JAK2: variants seen among roughly 807,000 people sequenced by gnomAD.
JAK2 encodes the protein Janus kinase 2, also known as tyrosine-protein kinase JAK2.
Under a neutral mutation model 139.3 loss-of-function variants are expected in JAK2, and 86 were observed. That is an observed-to-expected ratio of 0.62 (90% confidence interval 0.52 to 0.74). The LOEUF (loss-of-function observed/expected upper bound fraction) is 0.74. Ranked by LOEUF, JAK2 falls within the 30% of genes least tolerant of loss-of-function variation. The probability of loss-of-function intolerance (pLI) is 0.00; values close to 1 mark genes in which losing one functional copy is unlikely to be tolerated. For synonymous variants in JAK2, 490 were observed against 437.7 expected (o/e 1.12, Z -1.49); for missense variants, 1,421 against 1,360.3 (o/e 1.04, Z -0.70).
chr9:5,102,139 T>G (rs1438362474), intron 22 of JAK2, among the ~76,000 whole-genome samples: 1 of 152,054 alleles, frequency 6.6e-6, no homozygotes, highest in Non-Finnish European at 1.5e-5. Context: ...GCTAAAAACC[T>G]TGAAAAAAGA....
At chr9:5,100,691 A>G (rs1264449978) in intron 22 of JAK2, 3 of 151,954 alleles carry the variant, frequency 2.0e-5, no homozygotes, top group Non-Finnish European at 4.4e-5. Flanking sequence ...ACAGCCTGAT[A>G]GAAGGAAATC....
chr9:5,001,192 A>G (rs1347290795), intron 2 of JAK2, among the ~76,000 whole-genome samples: 2 of 152,074 alleles, frequency 1.3e-5, no homozygotes, highest in Non-Finnish European at 2.9e-5. Context: ...CTTTTATTTC[A>G]TTTTCTTACC....
intron 4 of JAK2, among the ~76,000 whole-genome samples, chr9:5,031,711 C>T (rs1823159849): frequency 1.3e-5 from 2 of 152,162 alleles, no homozygotes; most frequent in Non-Finnish European, 2.9e-5. Context: ...GGAATGACTG[C>T]AATTGTCAAC....
intron 22 of JAK2, chr9:5,114,952 CAAACAT>C (rs1223184534): frequency 5.6e-6 from 1 of 178,304 alleles, no homozygotes; most frequent in African/African-American, 2.4e-5. Flanking sequence ...AACAAACAAA[CAAACAT>C]AAAAACCCTA....
chr9:5,022,248 C>A lies in JAK2; in HGVS notation c.226+35C>A, dbSNP rs1220884619. ...AAAAAACAGCATTTTCCTTTTTATG[C>A]ATGGATTGTTTTAATTATGCTATGC... On this transcript the variant is annotated intron_variant, in intron 3 of 24. Transcript: ENST00000381652. The A allele has an allele frequency of 2.8e-6, 4 of 1,447,424 alleles. No homozygotes were observed. The African/African-American group carries it at 4.2e-5, about 15-fold the overall frequency. The allele number at this position is 1,447,424 out of a possible 1,614,324, so 89.7% of individuals were successfully genotyped here.
intron 5 of JAK2, among the ~76,000 whole-genome samples, chr9:5,050,189 T>G (rs1372920608): frequency 1.3e-5 from 2 of 152,248 alleles, no homozygotes; most frequent in African/African-American, 4.8e-5. Context: ...ATATGTACTC[T>G]GTAATTGGGA....
intron 4 of JAK2, among the ~76,000 whole-genome samples, chr9:5,040,434 A>G (rs1816397164): frequency 6.6e-6 from 1 of 152,206 alleles, no homozygotes; most frequent in Non-Finnish European, 1.5e-5. Context: ...TCAAGTGACA[A>G]AAGAAAAATA....
intron 8 of JAK2, 69 bp from the exon 9 acceptor site, chr9:5,064,814 A>C (rs1051065580): frequency 8.1e-7 from 1 of 1,234,418 alleles, no homozygotes; most frequent in Admixed American, 2.6e-5. Context: ...GGAATGAAGA[A>C]AATTTTCAAT....
At chr9:5,059,122 G>C (rs1817979583) in intron 8 of JAK2, among the ~76,000 whole-genome samples, 1 of 152,068 alleles carries the variant, frequency 6.6e-6, no homozygotes, top group African/African-American at 2.4e-5. Context: ...TACGTGTATA[G>C]CTCAATGAAT....
At chr9:5,041,201 C>A in intron 4 of JAK2, 1 of 1,451,448 alleles carries the variant, frequency 6.9e-7, no homozygotes, top group Non-Finnish European at 9.5e-7. Flanking sequence ...GGACGTGAAG[C>A]CCGAGAACTT....
At chr9:4,998,283 G>T (rs1209360512) in intron 2 of JAK2, among the ~76,000 whole-genome samples, 1 of 152,096 alleles carries the variant, frequency 6.6e-6, no homozygotes, top group Non-Finnish European at 1.5e-5. Context: ...TTGAGATGGA[G>T]TCTTGCTCTG....
intron 4 of JAK2, chr9:5,041,007 C>A (rs1054562825): frequency 3.1e-6 from 2 of 655,262 alleles, no homozygotes; most frequent in Non-Finnish European, 5.6e-6. Flanking sequence ...AGTTCCGGAC[C>A]CCGCAGCTGC....
At position 5,123,064 on chromosome 9, in the gene JAK2, T is replaced by A. The variant is rs1440642433; in HGVS notation, c.3120T>A (p.Phe1040Leu). 6.8e-6 allele frequency: 11 copies of A among 1,611,922 alleles called. No homozygotes were observed. ...CTGTGGCCTCAGATGTTTGGAGCTT[T>A]GGAGTGGTTCTGTATGAACTTTTCA... Reference protein sequence around the residue: ...KFSVASDVWSFGVVLYELFTY... With the variant: ...KFSVASDVWSLGVVLYELFTY... Residue 1040 changes from phenylalanine (F) to leucine (L), a missense_variant, in exon 23 of 25, where the codon TTT (phenylalanine) becomes TTA (leucine). Coordinates refer to ENST00000381652, the MANE Select transcript of JAK2 (RefSeq NM_004972.4).
intron 3 of JAK2, among the ~76,000 whole-genome samples, chr9:5,028,978 TTTCA>T (rs1442270799): frequency 6.6e-6 from 1 of 152,236 alleles, no homozygotes; most frequent in Non-Finnish European, 1.5e-5. Context: ...GCATTTTTAA[TTTCA>T]TTCAAAAACT....
intron 2 of JAK2, among the ~76,000 whole-genome samples, chr9:4,996,451 AAAAT>A (rs771867813): frequency 6.6e-6 from 1 of 152,104 alleles, no homozygotes; most frequent in African/African-American, 2.4e-5. Flanking sequence ...TCTGTCTCAA[AAAAT>A]AAATAAATAA....
chr9:5,112,569 G>A (rs376054606), intron 22 of JAK2: 2 of 656,934 alleles, frequency 3.0e-6, no homozygotes, highest in South Asian at 2.2e-5. Context: ...CCAGGGAGCG[G>A]CTGCGGGTCC....
intron 2 of JAK2, among the ~76,000 whole-genome samples, chr9:5,021,105 T>C (rs1384915796): frequency 6.6e-6 from 1 of 152,130 alleles, no homozygotes; most frequent in Non-Finnish European, 1.5e-5. Context: ...GTCTCTCACT[T>C]ACTCTTTCCC....
chr9:5,028,239 C>G (rs1211009447), intron 3 of JAK2, among the ~76,000 whole-genome samples: 1 of 152,190 alleles, frequency 6.6e-6, no homozygotes, highest in Non-Finnish European at 1.5e-5. Flanking sequence ...CAATGTACAT[C>G]TTCATCAGAG....
upstream of JAK2, chr9:4,984,904 T>C (rs534305690): frequency 1.3e-5 from 2 of 152,380 alleles, no homozygotes; most frequent in Admixed American, 6.5e-5. Context: ...CTTAACTTCC[T>C]TGCGCGCTCA....
Sources: gnomAD v4.1 joint callset for allele counts (sites outside exome capture counted in the v4.1 genomes callset) on GRCh38, gnomAD v4.1.1 for gene constraint, MANE v1.5 for transcripts, NCBI Gene and HGNC (gene_info 2026-07-23, HGNC 2026-07-21) for gene names.